Variants in DNAJC13 observed in about 807,000 individuals in gnomAD.
DNAJC13 encodes the protein DnaJ heat shock protein family (Hsp40) member C13, also known as dnaJ homolog subfamily C member 13.
A neutral mutation model predicts 290.5 loss-of-function variants in DNAJC13; 75 were observed. The ratio of observed to expected loss-of-function variants is 0.26; its 90% CI spans 0.21 to 0.31. The LOEUF is 0.31. Ranked by LOEUF, DNAJC13 falls within the 10% of genes least tolerant of loss-of-function variation. The pLI, the probability that DNAJC13 is intolerant of heterozygous loss-of-function variation, is 1.00. For missense variants in DNAJC13, 2,260 were observed against 2,674.5 expected, an observed-to-expected ratio of 0.85 and a Z score of 3.42; for synonymous variants, 862 against 892.0, an observed-to-expected ratio of 0.97 and a Z score of 0.60.
At position 132,526,102 on chromosome 3, in the gene DNAJC13, T is replaced by C. The variant is rs778796159; in HGVS notation, c.6241-39T>C. Reference sequence around the variant, plus strand: ...TGGTATTTACTATGTTATATAAATATTGCCAGTCTACAAGTAACCTTCTCT... The same window carrying C: ...TGGTATTTACTATGTTATATAAATACTGCCAGTCTACAAGTAACCTTCTCT... On this transcript the variant is annotated intron_variant, in intron 52 of 55. Transcript: ENST00000260818. 8 of 1,609,052 alleles carry C rather than the reference T, an allele frequency of 5.0e-6. No homozygotes were observed. The African/African-American group carries it at 5.4e-5, about 11-fold the overall frequency.
intron 55 of DNAJC13, among the ~76,000 whole-genome samples, chr3:132,537,883 A>AT (rs1457070023): frequency 6.6e-6 from 1 of 152,140 alleles, no homozygotes. Context: ...AGTGCTCGGA[A>AT]TTTTTTGAAA....
intron 22 of DNAJC13, among the ~76,000 whole-genome samples, chr3:132,476,719 A>G (rs62292948): frequency 0.093 from 14,098 of 152,238 alleles, 809 homozygotes; most frequent in South Asian, 0.14. Flanking sequence ...CCAAATTCAC[A>G]TTCTTGCCTC....
In DNAJC13 at chr3:132,489,028, C is replaced by T. The variant is rs2107705574; in HGVS notation, c.3468+7C>T. 6.2e-7 allele frequency: 1 copy of T among 1,609,182 alleles called. No homozygotes were observed. Reference sequence around the variant, plus strand: ...GGCTTTCAAGTCAGAAGAGGTAAGCCAGGTTAATCCTCTGAATACTTAACC... The same window carrying T: ...GGCTTTCAAGTCAGAAGAGGTAAGCTAGGTTAATCCTCTGAATACTTAACC... On this transcript the variant is annotated splice_region_variant and intron_variant, in intron 31 of 55. Transcript: ENST00000260818.
intron 55 of DNAJC13, chr3:132,537,176 T>C (rs908898887): frequency 3.1e-5 from 14 of 456,170 alleles, no homozygotes; most frequent in Non-Finnish European, 5.3e-5. Flanking sequence ...CCTTCCCTTC[T>C]AACTGGCAGC....
chr3:132,438,585 T>G (rs3849409), intron 2 of DNAJC13, among the ~76,000 whole-genome samples: 92,173 of 152,056 alleles, frequency 0.61, 30,212 homozygotes, highest in East Asian at 0.88. Context: ...TCAGAAAGAT[T>G]TTATTGATTG....
chr3:132,497,401 T>A (rs966515915), intron 36 of DNAJC13, among the ~76,000 whole-genome samples: 2 of 152,154 alleles, frequency 1.3e-5, no homozygotes, highest in Non-Finnish European at 2.9e-5. Flanking sequence ...GAGAGCCATT[T>A]GCTATGGTAT....
intron 36 of DNAJC13, among the ~76,000 whole-genome samples, chr3:132,497,894 G>A (rs1352467939): frequency 6.6e-6 from 1 of 151,918 alleles, no homozygotes; most frequent in Non-Finnish European, 1.5e-5. Flanking sequence ...ACCTGTTCCA[G>A]GGGGCCTTTT....
chr3:132,517,838 G>T (rs1161925939), intron 48 of DNAJC13, among the ~76,000 whole-genome samples: 1 of 152,024 alleles, frequency 6.6e-6, no homozygotes, highest in African/African-American at 2.4e-5. Context: ...TTTCTTGCTC[G>T]ATCTCTCAGT....
chr3:132,480,178 C>T (rs1172109977), intron 25 of DNAJC13, among the ~76,000 whole-genome samples, 191 bp from the exon 26 acceptor site: 1 of 152,086 alleles, frequency 6.6e-6, no homozygotes, highest in Non-Finnish European at 1.5e-5. Flanking sequence ...AATTGGAATT[C>T]AGGTTCCTTG....
At chr3:132,521,122 T>G (rs7633688) in intron 48 of DNAJC13, among the ~76,000 whole-genome samples, 92,487 of 152,014 alleles carry the variant, frequency 0.61, 31,106 homozygotes, top group East Asian at 0.9. Context: ...ACAACAGTCA[T>G]GTACAGTGAC....
chr3:132,503,398 T>C lies in DNAJC13; in HGVS notation c.4884+17T>C. The stretch of plus-strand genomic sequence containing the variant: ...GTGACTGAGGTATGTGCTTCACAGG[T>C]AGCCTGGGTTTTAATCAATAGTGCA... On this transcript the variant is annotated intron_variant, in intron 41 of 55. Transcript: ENST00000260818. The C allele has an allele frequency of 6.2e-7, 1 of 1,613,688 alleles. No individual in the cohort carries two copies. The highest frequency in any genetic ancestry group is 8.5e-7 in the Non-Finnish European group (1 of 1,179,688).
At chr3:132,525,846 C>T in intron 52 of DNAJC13, 57 bp downstream of exon 52, 2 of 1,550,734 alleles carry the variant, frequency 1.3e-6, no homozygotes, top group Non-Finnish European at 1.8e-6. Context: ...ATGCTCCCTT[C>T]TTGACGGATA....
At chr3:132,454,346 G>A (rs1228035897) in intron 9 of DNAJC13, among the ~76,000 whole-genome samples, 189 bp downstream of exon 9, 1 of 110,130 alleles carries the variant, frequency 9.1e-6, no homozygotes, top group Non-Finnish European at 1.7e-5. Context: ...TTTTGAGACA[G>A]AGTCTCACTG....
At position 132,450,749 on chromosome 3, in the gene DNAJC13, G is replaced by GAACA; in HGVS notation, c.439_440insAACA (p.Val147GlufsTer7). The GAACA allele has an allele frequency of 6.2e-7, 1 of 1,611,894 alleles. No homozygotes were observed. Among genetic ancestry groups the GAACA allele is most frequent in the South Asian group, 1.1e-5 (1 of 91,020 alleles). ...CCAAATTAATCCTGCAACCAACAGA[G>GAACA]TACTCTGTTCCTATGACTATAGAAA... On this transcript the variant is annotated frameshift_variant, in exon 6 of 56. Coordinates refer to ENST00000260818, the MANE Select transcript of DNAJC13 (RefSeq NM_015268.4). LOFTEE classifies it high-confidence loss of function.
chr3:132,457,466 G>C lies in DNAJC13; in HGVS notation c.1449+98G>C, dbSNP rs75854838. 111,219 of 928,864 alleles carry C rather than the reference G, an allele frequency of 0.12. 10,357 individuals are homozygous for C. Among genetic ancestry groups the C allele is most frequent in the East Asian group, 0.53 (20,006 of 38,094 alleles). 57.5% of individuals were successfully genotyped at this position (928,864 alleles called of 1,614,324 possible). On this transcript the variant is annotated intron_variant, in intron 13 of 55. Coordinates refer to ENST00000260818, the MANE Select transcript of DNAJC13 (RefSeq NM_015268.4). ...ATTTTCATTGTACCAATAAGTTCTT[G>C]TTTCTGTTTCATAAATTGTTCTCAT...
intron 54 of DNAJC13, among the ~76,000 whole-genome samples, chr3:132,529,236 C>T (rs1936343924): frequency 6.6e-6 from 1 of 152,098 alleles, no homozygotes; most frequent in Non-Finnish European, 1.5e-5. Flanking sequence ...TGTCATTTAG[C>T]ATGTTTTTAA....
rs375290889 is a variant in DNAJC13 at position 132,488,936 on chromosome 3, C to T, written c.3423-40C>T. On this transcript the variant is annotated intron_variant, in intron 30 of 55. Coordinates refer to ENST00000260818, the MANE Select transcript of DNAJC13 (RefSeq NM_015268.4). ...AAAACTAAGGTTACAAAAACTAAAT[C>T]GGTTTCTATATCTGATAGATAATTC... The T allele has an allele frequency of 8.6e-5, 128 of 1,492,532 alleles. No individual in the cohort carries two copies. The African/African-American group carries it at 1.5e-3, about 17-fold the overall frequency. 92.5% of individuals were successfully genotyped at this position (1,492,532 alleles called of 1,614,324 possible). A position where few individuals can be genotyped will look rare whatever the true frequency, so the allele number is the denominator to read the frequency against.
chr3:132,467,439 G>A (rs1209121334), intron 20 of DNAJC13, 126 bp downstream of exon 20: 8 of 837,422 alleles, frequency 9.6e-6, no homozygotes, highest in African/African-American at 3.5e-5. Context: ...AAAAATGAAT[G>A]GTACCTAATT....
chr3:132,491,193 G>A, intron 32 of DNAJC13, 142 bp downstream of exon 32: 1 of 761,044 alleles, frequency 1.3e-6, no homozygotes, highest in Non-Finnish European at 2.0e-6. Context: ...CAAATCAAAT[G>A]ATGGATTTTG....
Sources: allele counts gnomAD v4.1 joint callset (sites outside exome capture counted in the v4.1 genomes callset), GRCh38; gene constraint gnomAD v4.1.1; transcripts MANE v1.5; gene names NCBI Gene and HGNC (gene_info 2026-07-23, HGNC 2026-07-21).